Variants in CHL1 observed in about 807,000 individuals in gnomAD.
CHL1 encodes neural cell adhesion molecule L1-like protein.
CHL1 carries 96 observed loss-of-function variants against 141.9 expected under a neutral mutation model. That is an observed-to-expected ratio of 0.68 (90% CI 0.57 to 0.80). CHL1 has a LOEUF of 0.80. Ranked by LOEUF, CHL1 falls within the 30% of genes least tolerant of loss-of-function variation. The pLI is 0.00. For missense variants in CHL1, 1,820 were observed against 1,457.2 expected (o/e 1.25, Z -4.05); for synonymous variants, 613 against 502.2 (o/e 1.22, Z -2.95).
intron 15 of CHL1, among the ~76,000 whole-genome samples, chr3:372,825 CTT>C (rs112448072): frequency 6.9e-6 from 1 of 145,726 alleles, no homozygotes; most frequent in African/African-American, 2.5e-5. Context: ...TCTTTTCTTT[CTT>C]TTTTTTTTTT....
intron 1 of CHL1, among the ~76,000 whole-genome samples, chr3:231,922 A>G (rs1201706694): frequency 6.6e-6 from 1 of 152,100 alleles, no homozygotes; most frequent in Non-Finnish European, 1.5e-5. Flanking sequence ...GTGACACTCA[A>G]CTATACTTTC....
chr3:303,743 C>T (rs1024928100), intron 2 of CHL1, among the ~76,000 whole-genome samples: 8 of 152,100 alleles, frequency 5.3e-5, no homozygotes, highest in Admixed American at 2.6e-4. Context: ...TTGCCCTGGC[C>T]GGAACTTCCA....
intron 2 of CHL1, among the ~76,000 whole-genome samples, chr3:245,348 T>C (rs1455755387): frequency 6.6e-6 from 1 of 152,166 alleles, no homozygotes; most frequent in Non-Finnish European, 1.5e-5. Flanking sequence ...TGATGACCCA[T>C]TTTGTAAATC....
At chr3:321,671 T>G (rs1473964109) in intron 3 of CHL1, among the ~76,000 whole-genome samples, 1 of 152,138 alleles carries the variant, frequency 6.6e-6, no homozygotes, top group Non-Finnish European at 1.5e-5. Flanking sequence ...CCCACATTTT[T>G]ATTCTGGTTG....
chr3:219,764 G>C (rs889065222), intron 1 of CHL1, among the ~76,000 whole-genome samples: 3 of 152,138 alleles, frequency 2.0e-5, no homozygotes, highest in Non-Finnish European at 4.4e-5. Flanking sequence ...TAATGAAATA[G>C]TCTGTACAAC....
chr3:349,166 G>C (rs1162147768), intron 9 of CHL1, among the ~76,000 whole-genome samples, 193 bp from the exon 10 acceptor site: 2 of 152,190 alleles, frequency 1.3e-5, no homozygotes, highest in Non-Finnish European at 2.9e-5. Flanking sequence ...TTCAGTGAAA[G>C]AGACTTGCTT....
rs111886319 is a variant in CHL1 at position 393,059 on chromosome 3, C to G, written c.2914+1262C>G. ...CCATCCTGGCTAACACGGTGAAACCCCGTCTCTATTAAAAATACAAAAAAT... is the reference window on the plus strand; with the variant it reads ...CCATCCTGGCTAACACGGTGAAACCGCGTCTCTATTAAAAATACAAAAAAT... On this transcript the variant is annotated intron_variant, in intron 23 of 27. Transcript: ENST00000256509. Among the ~76,000 whole-genome samples, 1,093 of 151,998 alleles carry G rather than the reference C, an allele frequency of 7.2e-3. 12 individuals are homozygous for G. Among genetic ancestry groups the G allele is most frequent in the African/African-American group, 0.025 (1,035 of 41,448 alleles).
At chr3:394,992 C>A in intron 24 of CHL1, 120 bp downstream of exon 24, 2 of 826,556 alleles carry the variant, frequency 2.4e-6, no homozygotes, top group Non-Finnish European at 3.6e-6. Context: ...TGATTGTGAT[C>A]CCACTCTGTC....
chr3:342,956 G>GT lies in CHL1; in HGVS notation c.680-22dup, dbSNP rs778846195. ...TATCAGCATCCACCATTATGTTTGT[G>GT]TTTTTTCCTTCCGTTTTTTTATTTC... On this transcript the variant is annotated intron_variant, in intron 7 of 27. Transcript: ENST00000256509. The GT allele has an allele frequency of 1.1e-5, 18 of 1,581,850 alleles. No homozygotes were observed. In the Admixed American group the frequency reaches 3.0e-4, roughly 26 times the overall value.
rs1159122109 is a variant in CHL1 at position 389,376 on chromosome 3, C to T, written c.2372C>T (p.Pro791Leu). The T allele has an allele frequency of 6.2e-7, 1 of 1,614,068 alleles. No homozygotes were observed. The highest frequency in any genetic ancestry group is 1.7e-5 in the Admixed American group (1 of 59,994). The change falls in exon 20 of 28, where the codon CCT becomes CTT. Residue 791 changes from proline to leucine, a missense_variant. Transcript: ENST00000256509. ...AACCACACATTGCGGGTGATGACGC[C>T]TGCTGTCTATGCCCCTTATGATGTC... ...VTNHTLRVMTPAVYAPYDVKV... is the reference protein window; with the variant it reads ...VTNHTLRVMTLAVYAPYDVKV...
intron 16 of CHL1, among the ~76,000 whole-genome samples, chr3:380,917 A>G (rs1706949879): frequency 6.6e-6 from 1 of 152,332 alleles, no homozygotes; most frequent in South Asian, 2.1e-4. Flanking sequence ...AGCTTAATAA[A>G]ATATGACCCC....
At chr3:313,002 G>A (rs1181620060) in intron 2 of CHL1, among the ~76,000 whole-genome samples, 1 of 152,094 alleles carries the variant, frequency 6.6e-6, no homozygotes, top group Non-Finnish European at 1.5e-5. Flanking sequence ...TCTACCTCTG[G>A]AACTCATAGT....
At chr3:307,819 C>T (rs1559230878) in intron 2 of CHL1, among the ~76,000 whole-genome samples, 1 of 152,138 alleles carries the variant, frequency 6.6e-6, no homozygotes, top group Non-Finnish European at 1.5e-5. Flanking sequence ...TTGTTTAAGA[C>T]CTTTTGAATA....
intron 1 of CHL1, among the ~76,000 whole-genome samples, chr3:243,229 T>G (rs949397909): frequency 1.3e-5 from 2 of 152,198 alleles, no homozygotes; most frequent in Non-Finnish European, 2.9e-5. Flanking sequence ...TTTTCCCCAC[T>G]GAGAGACTGT....
chr3:321,040 G>A (rs55634091), intron 3 of CHL1, among the ~76,000 whole-genome samples: 14,382 of 151,996 alleles, frequency 0.095, 976 homozygotes, highest in East Asian at 0.32. Context: ...TAACTAAAAC[G>A]TTGCTTTTGA....
chr3:228,316 C>T (rs770012494), intron 1 of CHL1, among the ~76,000 whole-genome samples: 5 of 152,146 alleles, frequency 3.3e-5, no homozygotes, highest in African/African-American at 4.8e-5. Flanking sequence ...GGTAGAAAAA[C>T]GTCACCAACG....
In CHL1 at chr3:399,047, C is replaced by A. The variant is rs775427894; in HGVS notation, c.3284C>A (p.Thr1095Asn). The A allele has an allele frequency of 6.2e-7, 1 of 1,612,848 alleles. No individual in the cohort carries two copies. The change falls in exon 26 of 28, where the codon ACT (threonine) becomes AAT (asparagine). Residue 1095 changes from threonine (T) to asparagine (N), a missense_variant. By Grantham distance (65) the Thr-to-Asn change is moderately conservative. Transcript: ENST00000256509. The part of the protein sequence containing the change: ...EYAGLYDDIS[T>N]QGWFIGLMCA... ...GCTGGTTTATATGATGACATCTCCA[C>A]TCAAGGCTGGTTTATTGGACTGATG... is the stretch of plus-strand genomic sequence containing the variant.
At position 389,366 on chromosome 3, in the gene CHL1, G is replaced by A; in HGVS notation, c.2362G>A (p.Val788Met). The A allele has an allele frequency of 6.2e-7, 1 of 1,614,194 alleles. No individual in the cohort carries two copies. Among genetic ancestry groups the A allele is most frequent in the South Asian group, 1.1e-5 (1 of 91,084 alleles). The change falls in exon 20 of 28, where the codon GTG (valine) becomes ATG (methionine). Residue 788 changes from valine (V) to methionine (M), a missense_variant. Val to Met is a conservative substitution (Grantham distance 21). Coordinates refer to ENST00000256509, the MANE Select transcript of CHL1 (RefSeq NM_006614.4). The part of the protein sequence containing the change: ...EETVTNHTLR[V>M]MTPAVYAPYD... ...AACAGTCACAAACCACACATTGCGG[G>A]TGATGACGCCTGCTGTCTATGCCCC...
chr3:282,256 T>C (rs1489423226), intron 2 of CHL1, among the ~76,000 whole-genome samples: 1 of 152,226 alleles, frequency 6.6e-6, no homozygotes, highest in Non-Finnish European at 1.5e-5. Flanking sequence ...TTTGCTCTAA[T>C]ATGTACCTGT....
Sources: gnomAD v4.1 joint callset for allele counts (sites outside exome capture counted in the v4.1 genomes callset) on GRCh38, gnomAD v4.1.1 for gene constraint, MANE v1.5 for transcripts, NCBI Gene and HGNC (gene_info 2026-07-23, HGNC 2026-07-21) for gene names.